The following ZNRF2 variants were observed in gnomAD, a reference collection of about 807,000 sequenced individuals.
ZNRF2 encodes the protein zinc and ring finger 2, also known as E3 ubiquitin-protein ligase ZNRF2.
In ZNRF2, 16 loss-of-function variants were observed where a neutral mutation model predicts 20.4. The ratio of observed to expected loss-of-function variants is 0.79; its 90% CI spans 0.53 to 1.19. The LOEUF is 1.19. Ranked by LOEUF, ZNRF2 falls within the 50% of genes most tolerant of loss-of-function variation. The pLI is 0.00. For missense variants in ZNRF2, 363 were observed against 332.4 expected (o/e 1.09, Z -0.72); for synonymous variants, 178 against 144.9 (o/e 1.23, Z -1.64).
intron 2 of ZNRF2, among the ~76,000 whole-genome samples, chr7:30,336,741 C>G (rs1270111635): frequency 6.6e-6 from 1 of 152,006 alleles, no homozygotes; most frequent in Non-Finnish European, 1.5e-5. Flanking sequence ...GAAAGCTGTC[C>G]ATACTTCTCT....
chr7:30,335,733 T>C (rs1799706710), intron 2 of ZNRF2, among the ~76,000 whole-genome samples: 1 of 152,180 alleles, frequency 6.6e-6, no homozygotes. Context: ...AGATAAATTA[T>C]AGCTGTGTGA....
At chr7:30,345,622 G>T (rs1237398407) in intron 2 of ZNRF2, among the ~76,000 whole-genome samples, 1 of 151,354 alleles carries the variant, frequency 6.6e-6, no homozygotes, top group Non-Finnish European at 1.5e-5. Context: ...GATTAATTTA[G>T]AACTTCTATT....
intron 3 of ZNRF2, among the ~76,000 whole-genome samples, chr7:30,360,789 C>T (rs1246730248): frequency 6.6e-6 from 1 of 152,146 alleles, no homozygotes; most frequent in African/African-American, 2.4e-5. Flanking sequence ...AAGCATAATG[C>T]TGTTTTATGG....
intron 1 of ZNRF2, among the ~76,000 whole-genome samples, chr7:30,299,518 T>C (rs1369114741): frequency 6.6e-6 from 1 of 152,118 alleles, no homozygotes; most frequent in Non-Finnish European, 1.5e-5. Flanking sequence ...TTGGAAGTTC[T>C]CTTTTTTTAA....
intron 2 of ZNRF2, among the ~76,000 whole-genome samples, chr7:30,344,172 T>G (rs1295592082): frequency 6.6e-5 from 10 of 151,820 alleles, no homozygotes; most frequent in Admixed American, 1.3e-4. Flanking sequence ...TCTGCCTGCC[T>G]TGGCCTCCCA....
At chr7:30,344,728 G>GAA (rs1204984346) in intron 2 of ZNRF2, among the ~76,000 whole-genome samples, 1 of 152,146 alleles carries the variant, frequency 6.6e-6, no homozygotes, top group Non-Finnish European at 1.5e-5. Flanking sequence ...TTGGCTAGCT[G>GAA]AAGTTCATCC....
intron 1 of ZNRF2, among the ~76,000 whole-genome samples, chr7:30,310,725 C>G (rs1799279043): frequency 6.6e-6 from 1 of 152,164 alleles, no homozygotes; most frequent in Non-Finnish European, 1.5e-5. Flanking sequence ...ACCTGATAGC[C>G]ATTTTCTTAA....
At chr7:30,311,865 A>C (rs1241569295) in intron 1 of ZNRF2, among the ~76,000 whole-genome samples, 1 of 152,180 alleles carries the variant, frequency 6.6e-6, no homozygotes. Context: ...ACTTTAAATT[A>C]GATTTTAGTT....
rs192340873 is a variant in ZNRF2 at position 30,294,734 on chromosome 7, G to A, written c.469+8908G>A. On this transcript the variant is annotated intron_variant, in intron 1 of 4. Coordinates refer to ENST00000323037, the MANE Select transcript of ZNRF2 (RefSeq NM_147128.4). ...TGGGAGGTGAAGGTTGCAGTGAGCC[G>A]AGATCACACCACTGTACTCCAGCCT... 5.7e-3 allele frequency among the ~76,000 whole-genome samples: 854 copies of A among 150,284 alleles called. 3 individuals are homozygous for A. The highest frequency in any genetic ancestry group is 0.013 in the African/African-American group (529 of 40,698).
At chr7:30,324,174 T>G (rs1160899263) in intron 2 of ZNRF2, among the ~76,000 whole-genome samples, 1 of 152,068 alleles carries the variant, frequency 6.6e-6, no homozygotes, top group Non-Finnish European at 1.5e-5. Flanking sequence ...TTCAGTTTAT[T>G]GTGATATGGC....
At chr7:30,359,687 C>T (rs1800097013) in intron 3 of ZNRF2, among the ~76,000 whole-genome samples, 1 of 152,140 alleles carries the variant, frequency 6.6e-6, no homozygotes, top group Non-Finnish European at 1.5e-5. Flanking sequence ...TGTGCATTAG[C>T]TTTTTTCTTC....
At chr7:30,342,280 C>G (rs923313214) in intron 2 of ZNRF2, among the ~76,000 whole-genome samples, 1 of 152,082 alleles carries the variant, frequency 6.6e-6, no homozygotes, top group Non-Finnish European at 1.5e-5. Context: ...ATGATGCTAG[C>G]TGGTTATTTT....
At position 30,327,861 on chromosome 7, in the gene ZNRF2, C is replaced by G. The variant is rs987506735; in HGVS notation, c.565+4124C>G. Among the ~76,000 whole-genome samples, 8 of 151,832 alleles carry G rather than the reference C, an allele frequency of 5.3e-5. No homozygotes were observed. The South Asian group carries it at 1.7e-3, about 32-fold the overall frequency. ...GGACTACAGGTGCATGCCACCATGC[C>G]TGGCTTTTATTTTTTATTTTGTAGA... On this transcript the variant is annotated intron_variant, in intron 2 of 4. Coordinates refer to ENST00000323037, the MANE Select transcript of ZNRF2 (RefSeq NM_147128.4).
intron 1 of ZNRF2, among the ~76,000 whole-genome samples, chr7:30,287,324 A>G (rs766734062): frequency 6.6e-6 from 1 of 152,232 alleles, no homozygotes; most frequent in Non-Finnish European, 1.5e-5. Context: ...AATGTTTATC[A>G]TTATCTTTTT....
intron 1 of ZNRF2, among the ~76,000 whole-genome samples, chr7:30,305,737 GC>G (rs1799190102): frequency 6.6e-6 from 1 of 152,018 alleles, no homozygotes; most frequent in Admixed American, 6.6e-5. Flanking sequence ...TTTAGTTAGG[GC>G]TAACATTTGA....
rs747979009 is a variant in ZNRF2, at chr7:30,285,657, C to T, written c.300C>T (p.Pro100=). Residue 100 remains proline, a synonymous_variant, in exon 1 of 5, where the codon CCC becomes CCT. Coordinates refer to ENST00000323037, the MANE Select transcript of ZNRF2 (RefSeq NM_147128.4). ...CGGGGGCCCGCGCGGCGCAGTCCCC[C>T]TTCAGCATCCCGAACAGCAGCAGCG... The part of the protein sequence containing the change: ...VASGARAAQS[P]FSIPNSSSGP... 1.5e-5 allele frequency: 21 copies of T among 1,410,652 alleles called. No individual in the cohort carries two copies. Among genetic ancestry groups the T allele is most frequent in the Admixed American group, 3.1e-5 (1 of 32,564 alleles). 87.4% of individuals were successfully genotyped at this position (1,410,652 alleles called of 1,614,324 possible).
intron 1 of ZNRF2, among the ~76,000 whole-genome samples, chr7:30,317,735 CT>C (rs1799399967): frequency 6.6e-6 from 1 of 152,186 alleles, no homozygotes; most frequent in African/African-American, 2.4e-5. Context: ...AGTTCTGGCA[CT>C]TTTGATGTCT....
At chr7:30,290,017 C>G (rs1050427343) in intron 1 of ZNRF2, 1 of 431,286 alleles carries the variant, frequency 2.3e-6, no homozygotes, top group Non-Finnish European at 4.5e-6. Flanking sequence ...GGAGAATTGC[C>G]CTAATATTAA....
chr7:30,346,431 C>T (rs751633583), intron 2 of ZNRF2, among the ~76,000 whole-genome samples: 17 of 151,726 alleles, frequency 1.1e-4, no homozygotes, highest in South Asian at 2.1e-4. Flanking sequence ...TCAGGTGATC[C>T]GCCTGCCTCG....
Sources: allele counts gnomAD v4.1 joint callset (sites outside exome capture counted in the v4.1 genomes callset), GRCh38; gene constraint gnomAD v4.1.1; transcripts MANE v1.5; gene names NCBI Gene and HGNC (gene_info 2026-07-23, HGNC 2026-07-21).